AKR1E2: variants seen among roughly 807,000 people sequenced by gnomAD.
AKR1E2 encodes the protein 1,5-anhydro-D-fructose reductase.
AKR1E2 carries 43 observed loss-of-function variants against 41.9 expected under a neutral mutation model. The ratio of observed to expected loss-of-function variants is 1.03; its 90% CI spans 0.80 to 1.32. The LOEUF is 1.32. Ranked by LOEUF, AKR1E2 falls within the 40% of genes most tolerant of loss-of-function variation. The probability of loss-of-function intolerance (pLI) is 0.00; values close to 1 mark genes in which losing one functional copy is unlikely to be tolerated. For missense variants in AKR1E2, 423 were observed against 396.5 expected (o/e 1.07, Z -0.57); for synonymous variants, 121 against 138.9 (o/e 0.87, Z 0.91).
chr10:4,827,610 A>C (rs572429623), intron 1 of AKR1E2, among the ~76,000 whole-genome samples: 1 of 152,214 alleles, frequency 6.6e-6, no homozygotes, highest in Non-Finnish European at 1.5e-5. Context: ...TCTTTAAAAA[A>C]AAAAAGCTAA....
Position 4,836,083 on chromosome 10 carries a change from T to G in AKR1E2, c.459+274T>G, listed in dbSNP as rs74228870. Among the ~76,000 whole-genome samples, 5,386 of 152,320 alleles carry G rather than the reference T, an allele frequency of 0.035. 149 individuals carry two copies. Among genetic ancestry groups the G allele is most frequent in the East Asian group, 0.11 (596 of 5,184 alleles). ...TTTCTCAAATATTTATTTATTTTTT[T>G]ATTAAAAACCATATTTATTTCAGAA... On this transcript the variant is annotated intron_variant, in intron 4 of 9. Coordinates refer to ENST00000298375, the MANE Select transcript of AKR1E2 (RefSeq NM_001040177.3).
At chr10:4,856,872 T>G in the AKR1E2 span, among the ~76,000 whole-genome samples, 1 of 152,178 alleles carries the variant, frequency 6.6e-6, no homozygotes, top group Non-Finnish European at 1.5e-5. Flanking sequence ...TATAATCAAC[T>G]GTAGAACTCT....
At chr10:4,826,482 C>T (rs1832515841) in intron 1 of AKR1E2, 119 bp downstream of exon 1, 5 of 957,510 alleles carry the variant, frequency 5.2e-6, no homozygotes, top group Non-Finnish European at 6.8e-6. Flanking sequence ...TCCGCCTGGC[C>T]GACGCCCGGG....
chr10:4,856,252 A>G, the AKR1E2 span, among the ~76,000 whole-genome samples: 1 of 152,246 alleles, frequency 6.6e-6, no homozygotes, highest in Non-Finnish European at 1.5e-5. Flanking sequence ...GGTTTAAGCT[A>G]GTCGTGGAAG....
intron 1 of AKR1E2, among the ~76,000 whole-genome samples, chr10:4,829,532 T>G (rs1832803591): frequency 6.6e-6 from 1 of 152,194 alleles, no homozygotes; most frequent in Admixed American, 6.5e-5. Flanking sequence ...TGTTTGAAAG[T>G]CTGTGTTAAA....
rs759919247 is a variant in AKR1E2, at chr10:4,841,790, G to A, written c.686G>A (p.Gly229Glu). 3.7e-6 allele frequency: 6 copies of A among 1,612,126 alleles called. No homozygotes were observed. In the South Asian group the frequency reaches 4.4e-5, roughly 12 times the overall value. The change falls in exon 7 of 10, where the codon GGG (glycine) becomes GAG (glutamate). Residue 229 changes from glycine (G) to glutamate (E), a missense_variant. Physicochemically the swap from Gly to Glu is moderately conservative, Grantham distance 98 (BLOSUM62 -2). Coordinates refer to ENST00000298375, the MANE Select transcript of AKR1E2 (RefSeq NM_001040177.3). ...AYRPLGGSCEGVDLIDNPVIK... is the reference protein window; with the variant it reads ...AYRPLGGSCEEVDLIDNPVIK... The stretch of plus-strand genomic sequence containing the variant: ...CCTGTACTGTGTCTCTCTAGTGAGG[G>A]GGTTGACCTGATAGACAACCCTGTG...
chr10:4,842,725 C>T (rs1159799336), intron 8 of AKR1E2, among the ~76,000 whole-genome samples: 2 of 152,164 alleles, frequency 1.3e-5, no homozygotes, highest in Non-Finnish European at 2.9e-5. Flanking sequence ...GGTGTCTTCT[C>T]CATCCAGCCC....
intron 5 of AKR1E2, among the ~76,000 whole-genome samples, chr10:4,839,418 CG>C (rs1203684380): frequency 1.3e-5 from 2 of 151,862 alleles, no homozygotes; most frequent in Non-Finnish European, 2.9e-5. Flanking sequence ...AAATAAAGGC[CG>C]GGGGAGATGA....
intron 6 of AKR1E2, 108 bp from the exon 7 acceptor site, chr10:4,841,677 A>G (rs1833888371): frequency 2.3e-6 from 2 of 853,584 alleles, no homozygotes; most frequent in East Asian, 2.9e-5. Context: ...GGCATGTGTC[A>G]TGATCAGAAA....
rs1564265194 is a variant in AKR1E2 at position 4,837,341 on chromosome 10, A to G, written c.460-118A>G. Reference sequence around the variant, plus strand: ...AAATGCTTTTGAAGCTTCAAGTAAAATATTGTAAAAATATTGGGTCCAACC... The same window carrying G: ...AAATGCTTTTGAAGCTTCAAGTAAAGTATTGTAAAAATATTGGGTCCAACC... On this transcript the variant is annotated intron_variant, in intron 4 of 9. Transcript: ENST00000298375. 7.9e-6 allele frequency: 11 copies of G among 1,391,226 alleles called. No individual in the cohort carries two copies. In the East Asian group the frequency reaches 2.6e-4, roughly 33 times the overall value. 86.2% of individuals were successfully genotyped at this position (1,391,226 alleles called of 1,614,324 possible).
chr10:4,859,489 A>C, the AKR1E2 span, among the ~76,000 whole-genome samples: 1 of 152,226 alleles, frequency 6.6e-6, no homozygotes, highest in African/African-American at 2.4e-5. Flanking sequence ...CAAAATCATG[A>C]GGCCTGGAAG....
At chr10:4,834,487 C>T (rs745686759) in intron 3 of AKR1E2, among the ~76,000 whole-genome samples, 6 of 152,192 alleles carry the variant, frequency 3.9e-5, no homozygotes, top group Non-Finnish European at 7.3e-5. Flanking sequence ...AAAACAATGG[C>T]TACAGCTGTA....
At chr10:4,839,101 A>C (rs1833669813) in intron 5 of AKR1E2, among the ~76,000 whole-genome samples, 1 of 152,204 alleles carries the variant, frequency 6.6e-6, no homozygotes, top group African/African-American at 2.4e-5. Context: ...ATTATATGTG[A>C]GAGTTTGGAG....
At chr10:4,848,681 G>A (rs901475380), downstream of AKR1E2, among the ~76,000 whole-genome samples, 2 of 152,182 alleles carry the variant, frequency 1.3e-5, no homozygotes, top group Admixed American at 6.5e-5. Flanking sequence ...AGATATGGAG[G>A]TGTTGCCCAG....
chr10:4,844,462 C>G (rs1371610205), intron 8 of AKR1E2, among the ~76,000 whole-genome samples: 6 of 152,234 alleles, frequency 3.9e-5, no homozygotes, highest in Non-Finnish European at 1.5e-5. Flanking sequence ...GTTGCCAGTG[C>G]TGGCTTGGGC....
chr10:4,854,491 TTC>T, the AKR1E2 span, among the ~76,000 whole-genome samples: 1 of 152,176 alleles, frequency 6.6e-6, no homozygotes, highest in South Asian at 2.1e-4. Context: ...TGGGGTCTTC[TTC>T]CAGACCCTTT....
the AKR1E2 span, among the ~76,000 whole-genome samples, chr10:4,853,442 C>CAAAAAA: frequency 8.7e-6 from 1 of 114,748 alleles, no homozygotes; most frequent in Non-Finnish European, 1.9e-5. Flanking sequence ...AACTTGTTGC[C>CAAAAAA]AAAAAAAAAA....
chr10:4,836,453 C>T (rs775748242), intron 4 of AKR1E2, among the ~76,000 whole-genome samples: 3 of 152,138 alleles, frequency 2.0e-5, no homozygotes, highest in South Asian at 4.1e-4. Flanking sequence ...CATGGCTGAC[C>T]GAGCACGTGT....
chr10:4,837,273 T>A (rs2961584), intron 4 of AKR1E2, among the ~76,000 whole-genome samples, 186 bp from the exon 5 acceptor site: 2 of 152,160 alleles, frequency 1.3e-5, no homozygotes, highest in Non-Finnish European at 2.9e-5. Flanking sequence ...CCCAGCATCC[T>A]CTAGCCAGAA....
Sources: gnomAD v4.1 joint callset for allele counts (sites outside exome capture counted in the v4.1 genomes callset) on GRCh38, gnomAD v4.1.1 for gene constraint, MANE v1.5 for transcripts, NCBI Gene and HGNC (gene_info 2026-07-23, HGNC 2026-07-21) for gene names.